KLHL7: variants seen among roughly 807,000 people sequenced by gnomAD.
The protein encoded by KLHL7 is kelch-like protein 7.
In KLHL7, 44 loss-of-function variants were observed where a neutral mutation model predicts 67.4. That is an observed-to-expected ratio of 0.65 (90% confidence interval 0.51 to 0.84). The LOEUF is 0.84. Among genes scored for constraint, KLHL7 ranks in the 40% least tolerant of loss-of-function variants. The probability of loss-of-function intolerance (pLI) is 0.00; values close to 1 mark genes in which losing one functional copy is unlikely to be tolerated. For synonymous variants in KLHL7, 252 were observed against 243.3 expected (o/e 1.04, Z -0.33); for missense variants, 362 against 718.1 (o/e 0.50, Z 5.67).
In KLHL7 at chr7:23,174,547, A is replaced by G; in HGVS notation, c.*249A>G. The G allele has an allele frequency of 3.2e-6, 2 of 617,730 alleles. No individual in the cohort carries two copies. Among genetic ancestry groups the G allele is most frequent in the Non-Finnish European group, 6.0e-6 (2 of 333,664 alleles). The allele number at this position is 617,730 out of a possible 1,614,324, so 38.3% of individuals were successfully genotyped here. On this transcript the variant is annotated 3_prime_UTR_variant, in exon 11 of 11. Coordinates refer to ENST00000339077, the MANE Select transcript of KLHL7 (RefSeq NM_001031710.3). ...GAAAAAGTATAAGCATTTGTTAAAAATGTGAATTTCTTGAATGAATTTCAC... is the reference window on the plus strand; with the variant it reads ...GAAAAAGTATAAGCATTTGTTAAAAGTGTGAATTTCTTGAATGAATTTCAC...
chr7:23,151,957 C>A, intron 6 of KLHL7, 110 bp from the exon 7 acceptor site: 2 of 1,022,120 alleles, frequency 2.0e-6, no homozygotes, highest in African/African-American at 1.6e-5. Flanking sequence ...ATAGAGATAT[C>A]ATAAAAGTAA....
At chr7:23,146,887 A>T (rs1216009091) in intron 6 of KLHL7, among the ~76,000 whole-genome samples, 1 of 152,048 alleles carries the variant, frequency 6.6e-6, no homozygotes, top group East Asian at 1.9e-4. Context: ...GTAGGTACAC[A>T]TACACACAGT....
intron 5 of KLHL7, 107 bp downstream of exon 5, chr7:23,141,051 A>G: frequency 9.9e-7 from 1 of 1,009,204 alleles, no homozygotes. Context: ...TTAGGAAAGA[A>G]TATGTTCTTT....
chr7:23,133,384 G>A (rs1206684884), intron 4 of KLHL7, among the ~76,000 whole-genome samples: 1 of 151,648 alleles, frequency 6.6e-6, no homozygotes, highest in African/African-American at 2.4e-5. Flanking sequence ...AGTTATTTAT[G>A]TATGTGTGGC....
At position 23,123,733 on chromosome 7, in the gene KLHL7, G is replaced by A. The variant is rs576498809; in HGVS notation, c.121-44G>A. ...TTTTTAACATGTATTGCCAAGCTAGGCTAGTGAGCCTCTTTTTATTTTATG... is the reference window on the plus strand; with the variant it reads ...TTTTTAACATGTATTGCCAAGCTAGACTAGTGAGCCTCTTTTTATTTTATG... On this transcript the variant is annotated intron_variant, in intron 1 of 10. Transcript: ENST00000339077. 3.0e-6 allele frequency: 4 copies of A among 1,333,178 alleles called. No individual in the cohort carries two copies. In the African/African-American group the frequency reaches 5.8e-5, roughly 19 times the overall value. 82.6% of individuals were successfully genotyped at this position (1,333,178 alleles called of 1,614,324 possible).
rs1449417528 is a variant in KLHL7, at chr7:23,177,530, G to A, written c.*3232G>A. 6.6e-6 allele frequency: 1 copy of A among 152,016 alleles called. No individual in the cohort carries two copies. Among genetic ancestry groups the A allele is most frequent in the African/African-American group, 2.4e-5 (1 of 41,402 alleles). 9.4% of individuals were successfully genotyped at this position (152,016 alleles called of 1,614,324 possible). On this transcript the variant is annotated 3_prime_UTR_variant, in exon 11 of 11. Transcript: ENST00000339077. Reference sequence around the variant, plus strand: ...ATTTCTACAGAATTGTCAATATCAGGATAGTGCGTAAAAGTACACTCACCA... The same window carrying A: ...ATTTCTACAGAATTGTCAATATCAGAATAGTGCGTAAAAGTACACTCACCA...
At chr7:23,115,437 T>C (rs917060302) in intron 1 of KLHL7, among the ~76,000 whole-genome samples, 3 of 152,170 alleles carry the variant, frequency 2.0e-5, no homozygotes, top group Admixed American at 2.0e-4. Context: ...CTAAACTCAG[T>C]TGGGAGGAAT....
intron 4 of KLHL7, among the ~76,000 whole-genome samples, chr7:23,138,422 A>G (rs993534684): frequency 7.1e-6 from 1 of 141,620 alleles, no homozygotes; most frequent in African/African-American, 2.7e-5. Context: ...AGATCGGGCC[A>G]CTGCACTCCA....
chr7:23,116,646 C>T (rs1329853243), intron 1 of KLHL7, among the ~76,000 whole-genome samples: 2 of 152,282 alleles, frequency 1.3e-5, no homozygotes, highest in Non-Finnish European at 1.5e-5. Flanking sequence ...ACAGAACTTC[C>T]CCTAGTGGAA....
At chr7:23,125,615 C>A (rs1190903207) in intron 4 of KLHL7, 3 of 942,862 alleles carry the variant, frequency 3.2e-6, no homozygotes, top group Non-Finnish European at 4.5e-6. Flanking sequence ...TAATTCTTAG[C>A]TACTACACCT....
At chr7:23,161,842 C>T (rs557349277) in intron 7 of KLHL7, among the ~76,000 whole-genome samples, 1 of 152,320 alleles carries the variant, frequency 6.6e-6, no homozygotes, top group Non-Finnish European at 1.5e-5. Flanking sequence ...TGTGAACTAT[C>T]ACTCAATGAA....
intron 6 of KLHL7, among the ~76,000 whole-genome samples, chr7:23,144,940 A>AAT (rs1784309164): frequency 6.6e-6 from 1 of 151,518 alleles, no homozygotes; most frequent in African/African-American, 2.4e-5. Flanking sequence ...TCTCCAAAAA[A>AAT]AAAAAAACCT....
At chr7:23,144,942 A>AAG (rs1449374989) in intron 6 of KLHL7, among the ~76,000 whole-genome samples, 4 of 151,618 alleles carry the variant, frequency 2.6e-5, no homozygotes, top group Admixed American at 1.3e-4. Flanking sequence ...TCCAAAAAAA[A>AAG]AAAAACCTAG....
chr7:23,146,348 G>A (rs4559148), intron 6 of KLHL7, among the ~76,000 whole-genome samples: 54,835 of 151,886 alleles, frequency 0.36, 10,226 homozygotes, highest in African/African-American at 0.45. Flanking sequence ...AGGTTTAACA[G>A]ACACTCCATC....
intron 7 of KLHL7, among the ~76,000 whole-genome samples, chr7:23,153,009 A>G (rs1331896701): frequency 1.3e-5 from 2 of 152,096 alleles, no homozygotes; most frequent in Non-Finnish European, 2.9e-5. Context: ...TTGCAAACCC[A>G]TTTTTGGTTG....
chr7:23,118,090 A>G, intron 1 of KLHL7: 1 of 1,139,662 alleles, frequency 8.8e-7, no homozygotes, highest in Admixed American at 2.1e-5. Context: ...GTGCTTTAGC[A>G]CTTACATGGA....
intron 9 of KLHL7, among the ~76,000 whole-genome samples, chr7:23,171,463 G>T (rs1785158912): frequency 6.6e-6 from 1 of 152,182 alleles, no homozygotes; most frequent in African/African-American, 2.4e-5. Flanking sequence ...GGGCAGTGAA[G>T]ACCTAGTTTT....
intron 9 of KLHL7, among the ~76,000 whole-genome samples, chr7:23,171,524 C>T (rs1785160688): frequency 6.6e-6 from 1 of 152,116 alleles, no homozygotes; most frequent in Non-Finnish European, 1.5e-5. Flanking sequence ...CCTGGATGAG[C>T]GTGTGTGTTT....
intron 9 of KLHL7, among the ~76,000 whole-genome samples, chr7:23,169,664 C>T (rs78162391): frequency 0.018 from 2,746 of 152,166 alleles, 67 homozygotes; most frequent in African/African-American, 0.056. Flanking sequence ...TGATTTTTTA[C>T]TTACTTTTTT....
Sources: allele counts gnomAD v4.1 joint callset (sites outside exome capture counted in the v4.1 genomes callset), GRCh38; gene constraint gnomAD v4.1.1; transcripts MANE v1.5; gene names NCBI Gene and HGNC (gene_info 2026-07-23, HGNC 2026-07-21).